DLGAP2: variants seen among roughly 807,000 people sequenced by gnomAD.
DLGAP2 encodes DLG associated protein 2.
A neutral mutation model predicts 100.3 loss-of-function variants in DLGAP2; 26 were observed. The observed-to-expected ratio is 0.26, with a 90% CI of 0.19 to 0.36. DLGAP2 has a LOEUF of 0.36. Ranked by LOEUF, DLGAP2 falls within the 10% of genes least tolerant of loss-of-function variation. The pLI is 1.00. For missense variants in DLGAP2, 1,858 were observed against 1,453.2 expected, an observed-to-expected ratio of 1.28 and a Z score of -4.53; for synonymous variants, 886 against 630.1, an observed-to-expected ratio of 1.41 and a Z score of -6.08.
At chr8:1,013,452 G>A (rs1168972333) in intron 2 of DLGAP2, among the ~76,000 whole-genome samples, 2 of 152,116 alleles carry the variant, frequency 1.3e-5, no homozygotes, top group Non-Finnish European at 2.9e-5. Context: ...AGCAGGAATC[G>A]GAATAGGAGG....
At chr8:1,175,971 G>A (rs1425905913) in intron 2 of DLGAP2, among the ~76,000 whole-genome samples, 3 of 152,174 alleles carry the variant, frequency 2.0e-5, no homozygotes, top group Non-Finnish European at 4.4e-5. Context: ...TGTGGGAGCT[G>A]GCACAGGGCC....
chr8:973,082 T>A (rs1252582506), intron 2 of DLGAP2, among the ~76,000 whole-genome samples: 1 of 152,240 alleles, frequency 6.6e-6, no homozygotes, highest in Non-Finnish European at 1.5e-5. Flanking sequence ...CCTTTTCTAT[T>A]CGACAAAACC....
intron 2 of DLGAP2, among the ~76,000 whole-genome samples, chr8:1,132,718 C>G (rs767689135): frequency 7.2e-5 from 11 of 152,150 alleles, no homozygotes; most frequent in Non-Finnish European, 7.4e-5. Context: ...ATGGCTATAG[C>G]AAGGATTTTT....
intron 1 of DLGAP2, among the ~76,000 whole-genome samples, chr8:885,048 T>A (rs1797896272): frequency 2.0e-5 from 3 of 152,224 alleles, no homozygotes; most frequent in Admixed American, 2.0e-4. Context: ...TGTAGTATAG[T>A]TTGATGTCAG....
Position 1,059,780 on chromosome 8 carries a change from G to A in DLGAP2, c.73+151814G>A, listed in dbSNP as rs146209178. Among the ~76,000 whole-genome samples, 218 of 152,282 alleles carry A rather than the reference G, an allele frequency of 1.4e-3. 4 individuals are homozygous for A. In the East Asian group the frequency reaches 0.038, roughly 26 times the overall value. ...CGTCTGTGCAGGCGCAGTGGTGACC[G>A]CAGGAACCACCAGGACAGACAGAGA... On this transcript the variant is annotated intron_variant, in intron 2 of 14. Transcript: ENST00000637795.
rs117251202 is a variant in DLGAP2 at position 1,314,132 on chromosome 8, G to A, written c.106+55249G>A. Among the ~76,000 whole-genome samples, 8 of 152,288 alleles carry A rather than the reference G, an allele frequency of 5.3e-5. No individual in the cohort carries two copies. In the East Asian group the frequency reaches 1.3e-3, roughly 26 times the overall value. Reference sequence around the variant, plus strand: ...ATATTGGTTTCAAATTTTGAAAATTGTAACCTTTCATAAAATCCTATGAAA... The same window carrying A: ...ATATTGGTTTCAAATTTTGAAAATTATAACCTTTCATAAAATCCTATGAAA... On this transcript the variant is annotated intron_variant, in intron 3 of 14. Coordinates refer to ENST00000637795, the MANE Select transcript of DLGAP2 (RefSeq NM_001346810.2).
chr8:1,573,850 C>T (rs557853490), intron 6 of DLGAP2, among the ~76,000 whole-genome samples: 15 of 152,332 alleles, frequency 9.8e-5, no homozygotes, highest in Non-Finnish European at 1.5e-4. Flanking sequence ...AGAATACTTA[C>T]ATCTGGGCCT....
chr8:985,402 C>G (rs189385556), intron 2 of DLGAP2, among the ~76,000 whole-genome samples: 18 of 152,326 alleles, frequency 1.2e-4, no homozygotes, highest in Non-Finnish European at 2.4e-4. Flanking sequence ...ACTGACAAAA[C>G]AAGGGCCATG....
intron 4 of DLGAP2, among the ~76,000 whole-genome samples, chr8:1,502,522 G>A (rs1311617320): frequency 6.6e-6 from 1 of 152,060 alleles, no homozygotes; most frequent in Non-Finnish European, 1.5e-5. Context: ...CTGAGTCCTA[G>A]ATTTGTTGCT....
At chr8:1,359,778 G>T (rs1352532773) in intron 3 of DLGAP2, among the ~76,000 whole-genome samples, 5 of 152,236 alleles carry the variant, frequency 3.3e-5, no homozygotes, top group African/African-American at 9.6e-5. Context: ...GTATTCCCTT[G>T]TTGTGATTTG....
intron 2 of DLGAP2, among the ~76,000 whole-genome samples, chr8:974,653 C>T (rs371409121): frequency 6.6e-5 from 10 of 152,028 alleles, no homozygotes; most frequent in East Asian, 1.9e-4. Flanking sequence ...ATAACACATT[C>T]GTCAAAGAAG....
chr8:1,606,384 G>A (rs976799781), intron 6 of DLGAP2, among the ~76,000 whole-genome samples: 3 of 152,018 alleles, frequency 2.0e-5, no homozygotes, highest in African/African-American at 7.2e-5. Flanking sequence ...ACACCAAAAA[G>A]AAACCCTGTA....
chr8:1,457,234 T>C (rs547084012), intron 3 of DLGAP2, among the ~76,000 whole-genome samples: 71 of 152,312 alleles, frequency 4.7e-4, no homozygotes, highest in Admixed American at 2.9e-3. Context: ...TTTTACAAGA[T>C]CTAACTCCAA....
chr8:866,129 T>TGTGTGTCCTG (rs1235000082), intron 1 of DLGAP2, among the ~76,000 whole-genome samples: 1 of 152,132 alleles, frequency 6.6e-6, no homozygotes, highest in African/African-American at 2.4e-5. Flanking sequence ...AGTCCTCTGC[T>TGTGTGTCCTG]CTGTGTGTCC....
At chr8:1,255,686 TGTGTGTGTCCTCTTCTGCCTGGGA>T (rs1328825157) in intron 2 of DLGAP2, among the ~76,000 whole-genome samples, 2 of 135,994 alleles carry the variant, frequency 1.5e-5, no homozygotes, top group African/African-American at 6.2e-5. Context: ...CTGGGAGCTG[TGTGTGTGTCCTCTTCTGCCTGGGA>T]GCTGTGTGTG....
chr8:1,152,174 C>G (rs1441966055), intron 2 of DLGAP2, among the ~76,000 whole-genome samples: 1 of 152,128 alleles, frequency 6.6e-6, no homozygotes, highest in African/African-American at 2.4e-5. Context: ...ATCTATTTTG[C>G]TATGAGAGTG....
At chr8:800,863 G>A (rs1405920532) in intron 1 of DLGAP2, among the ~76,000 whole-genome samples, 3 of 152,102 alleles carry the variant, frequency 2.0e-5, no homozygotes, top group East Asian at 1.9e-4. Flanking sequence ...CTCCAAGGCC[G>A]GGTCTGTACT....
chr8:988,810 C>T (rs1462993562), intron 2 of DLGAP2, among the ~76,000 whole-genome samples: 5 of 152,128 alleles, frequency 3.3e-5, no homozygotes, highest in Admixed American at 6.5e-5. Context: ...CCTGACCAAT[C>T]CTGCTTTTTC....
chr8:1,408,087 G>A (rs537227413), intron 3 of DLGAP2, among the ~76,000 whole-genome samples: 9 of 152,316 alleles, frequency 5.9e-5, no homozygotes, highest in South Asian at 2.1e-4. Flanking sequence ...GGATAGAATC[G>A]TCTCCTGAGA....
Sources: gnomAD v4.1 joint callset for allele counts (sites outside exome capture counted in the v4.1 genomes callset) on GRCh38, gnomAD v4.1.1 for gene constraint, MANE v1.5 for transcripts, NCBI Gene and HGNC (gene_info 2026-07-23, HGNC 2026-07-21) for gene names.